Variants in PDE1A observed in about 807,000 individuals in gnomAD.
PDE1A encodes phosphodiesterase 1A, also known as dual specificity calcium/calmodulin-dependent 3',5'-cyclic nucleotide phosphodiesterase 1A.
PDE1A carries 35 observed loss-of-function variants against 61.7 expected under a neutral mutation model. The ratio of observed to expected loss-of-function variants is 0.57; its 90% CI spans 0.43 to 0.75. PDE1A has a LOEUF of 0.75. Ranked by LOEUF, PDE1A falls within the 30% of genes least tolerant of loss-of-function variation. PDE1A has a pLI of 0.00. For missense variants in PDE1A, 597 were observed against 630.6 expected (o/e 0.95, Z 0.57); for synonymous variants, 232 against 213.2 (o/e 1.09, Z -0.77).
the PDE1A span, among the ~76,000 whole-genome samples, chr2:182,587,971 C>A: frequency 2.8e-3 from 426 of 152,226 alleles, 16 homozygotes; most frequent in East Asian, 0.075. Context: ...CAAATAAATG[C>A]TCAACATATT....
intron 1 of PDE1A, among the ~76,000 whole-genome samples, chr2:182,345,089 C>T (rs1439792692): frequency 6.6e-6 from 1 of 152,130 alleles, no homozygotes; most frequent in Non-Finnish European, 1.5e-5. Flanking sequence ...TTTATTTAGG[C>T]TTTATTTGGT....
At chr2:182,304,038 C>T (rs1177242648) in intron 1 of PDE1A, among the ~76,000 whole-genome samples, 1 of 143,778 alleles carries the variant, frequency 7.0e-6, no homozygotes, top group African/African-American at 2.6e-5. Flanking sequence ...GTAGCTGGGA[C>T]TACAGGTGTG....
intron 2 of PDE1A, among the ~76,000 whole-genome samples, chr2:182,486,709 C>G (rs1041063582): frequency 4.6e-5 from 7 of 151,982 alleles, no homozygotes; most frequent in Non-Finnish European, 7.4e-5. Context: ...CAAATGTTTC[C>G]AGGTCAATTA....
Position 182,157,566 on chromosome 2 carries a change from G to A in PDE1A, c.1517-10414C>T, listed in dbSNP as rs1460540087. On this transcript the variant is annotated intron_variant, in intron 13 of 13. Coordinates refer to the PDE1A transcript ENST00000409365. ...ATGAGTTTCCATCTAGGGAGGATGC[G>A]AGAAGAGTTAGGAAAGTAAGTTTCC... 2.0e-5 allele frequency among the ~76,000 whole-genome samples: 3 copies of A among 152,084 alleles called. No individual in the cohort carries two copies. The East Asian group carries it at 5.8e-4, about 29-fold the overall frequency.
At chr2:182,201,466 C>T in exon 10 of PDE1A, 1 of 1,613,950 alleles carries the variant, frequency 6.2e-7, no homozygotes, top group Non-Finnish European at 8.5e-7. Context: ...CCATTAGGGC[C>T]ATGGTCCACC....
the PDE1A span, among the ~76,000 whole-genome samples, chr2:182,713,287 C>A: frequency 6.6e-5 from 10 of 152,132 alleles, no homozygotes; most frequent in Admixed American, 3.9e-4. Flanking sequence ...TATTATCCTA[C>A]TTACTGAGGG....
rs571254294 is a variant in PDE1A at position 182,417,167 on chromosome 2, C to T, written c.53+9411G>A. Among the ~76,000 whole-genome samples, 16 of 152,322 alleles carry T rather than the reference C, an allele frequency of 1.1e-4. No homozygotes were observed. In the South Asian group the frequency reaches 1.2e-3, roughly 12 times the overall value. ...GAATTCTCCCTATTCCTGAGACTTT[C>T]CCAAACACTTTATGCACTTTTAGAT... On this transcript the variant is annotated intron_variant, in intron 1 of 13. Transcript: ENST00000351439.
At chr2:182,676,829 A>C in the PDE1A span, among the ~76,000 whole-genome samples, 2 of 152,224 alleles carry the variant, frequency 1.3e-5, no homozygotes, top group East Asian at 1.9e-4. Context: ...GATTATCTCA[A>C]TAGATGCAGA....
intron 1 of PDE1A, among the ~76,000 whole-genome samples, chr2:182,412,057 CG>C (rs557604235): frequency 0.014 from 862 of 62,522 alleles, 9 homozygotes; most frequent in Non-Finnish European, 0.019. Context: ...GACTCCATCT[CG>C]AAAAAAAAAA....
chr2:182,576,155 C>T, the PDE1A span, among the ~76,000 whole-genome samples: 3 of 151,894 alleles, frequency 2.0e-5, no homozygotes, highest in African/African-American at 7.3e-5. Flanking sequence ...TACCACCATT[C>T]GTCTACAGAA....
the PDE1A span, among the ~76,000 whole-genome samples, chr2:182,666,074 G>A: frequency 6.6e-6 from 1 of 152,058 alleles, no homozygotes; most frequent in African/African-American, 2.4e-5. Context: ...CAGCAGGGAG[G>A]GAGAGCATCA....
chr2:182,210,002 T>G (rs1687448556), intron 7 of PDE1A, among the ~76,000 whole-genome samples: 1 of 152,210 alleles, frequency 6.6e-6, no homozygotes, highest in Non-Finnish European at 1.5e-5. Flanking sequence ...CACTCAAGTT[T>G]TCTTGTCTGC....
At chr2:182,429,711 C>A (rs906796851), upstream of PDE1A, among the ~76,000 whole-genome samples, 2 of 152,042 alleles carry the variant, frequency 1.3e-5, no homozygotes, top group African/African-American at 4.8e-5. Context: ...CTTTTCCAAC[C>A]AAAAGTACCC....
At chr2:182,604,478 T>A in the PDE1A span, among the ~76,000 whole-genome samples, 1 of 152,200 alleles carries the variant, frequency 6.6e-6, no homozygotes, top group Non-Finnish European at 1.5e-5. Context: ...TGGAAAAAAG[T>A]ACTTCCCATG....
rs147600338 is a variant in PDE1A at position 182,506,431 on chromosome 2, C to T, written c.101+15845G>A. Among the ~76,000 whole-genome samples the T allele has an allele frequency of 1.4e-4, 21 of 152,286 alleles. No individual in the cohort carries two copies. The East Asian group carries it at 4.1e-3, about 29-fold the overall frequency. On this transcript the variant is annotated intron_variant, in intron 2 of 14. Coordinates refer to the PDE1A transcript ENST00000410103. ...TAGTGTGGCTAATGGACACATACCC[C>T]AAATCAGCTCTCAGCTGCTAAACTG...
chr2:182,393,404 G>A lies in PDE1A; in HGVS notation c.53+33174C>T, dbSNP rs547131478. Among the ~76,000 whole-genome samples the A allele has an allele frequency of 3.3e-5, 5 of 151,740 alleles. No individual in the cohort carries two copies. In the East Asian group the frequency reaches 9.7e-4, roughly 30 times the overall value. On this transcript the variant is annotated intron_variant, in intron 1 of 13. Transcript: ENST00000351439. The stretch of plus-strand genomic sequence containing the variant: ...AACCTTTTTTTTTTTTTCCTACTAG[G>A]CCTCTAGGCCTGTGATGGGGGCACT...
At chr2:182,567,814 A>G in the PDE1A span, among the ~76,000 whole-genome samples, 105 of 136,646 alleles carry the variant, frequency 7.7e-4, no homozygotes, top group East Asian at 0.019. Context: ...TTTTTTTGAG[A>G]TGGAGTCTTG....
chr2:182,236,677 C>A (rs564348970), intron 3 of PDE1A, among the ~76,000 whole-genome samples: 1 of 152,146 alleles, frequency 6.6e-6, no homozygotes, highest in African/African-American at 2.4e-5. Flanking sequence ...AGTAAGCCAT[C>A]ATTTTTATTA....
chr2:182,539,431 A>G, the PDE1A span, among the ~76,000 whole-genome samples: 3 of 152,170 alleles, frequency 2.0e-5, no homozygotes, highest in African/African-American at 7.2e-5. Context: ...GAGACAGCCC[A>G]GGATTTATAA....
Sources: gnomAD v4.1 joint callset for allele counts (sites outside exome capture counted in the v4.1 genomes callset) on GRCh38, gnomAD v4.1.1 for gene constraint, MANE v1.5 for transcripts, NCBI Gene and HGNC (gene_info 2026-07-23, HGNC 2026-07-21) for gene names.